DAB1: variants seen among roughly 807,000 people sequenced by gnomAD.
The protein encoded by DAB1 is disabled homolog 1.
Under a neutral mutation model 64.6 loss-of-function variants are expected in DAB1, and 15 were observed. That is an observed-to-expected ratio of 0.23 (90% CI 0.16 to 0.36). The LOEUF (loss-of-function observed/expected upper bound fraction) is 0.36, where lower values mean the gene tolerates loss of function less well. DAB1 is among the 10% of genes least tolerant of loss of function. DAB1 has a pLI of 1.00. For missense variants in DAB1, 596 were observed against 706.7 expected, an observed-to-expected ratio of 0.84 and a Z score of 1.78; for synonymous variants, 235 against 251.9, an observed-to-expected ratio of 0.93 and a Z score of 0.64.
At chr1:57,382,673 C>T (rs1294465421) in intron 1 of DAB1, among the ~76,000 whole-genome samples, 1 of 152,216 alleles carries the variant, frequency 6.6e-6, no homozygotes, top group Non-Finnish European at 1.5e-5. Context: ...ATGGTAAGTC[C>T]TTCTCACGCT....
At chr1:57,063,627 G>C (rs187011245) in intron 8 of DAB1, among the ~76,000 whole-genome samples, 3 of 152,252 alleles carry the variant, frequency 2.0e-5, no homozygotes, top group East Asian at 3.9e-4. Context: ...ACTGAGCTCT[G>C]AGCTTCACTA....
intron 7 of DAB1, among the ~76,000 whole-genome samples, chr1:57,512,238 T>C (rs1644414032): frequency 6.6e-6 from 1 of 152,218 alleles, no homozygotes; most frequent in Non-Finnish European, 1.5e-5. Context: ...CACCCAACTT[T>C]CTTGAGAGCA....
intron 2 of DAB1, among the ~76,000 whole-genome samples, chr1:57,169,519 T>C (rs1011016915): frequency 6.6e-6 from 1 of 152,210 alleles, no homozygotes; most frequent in Non-Finnish European, 1.5e-5. Context: ...AACAAGATAC[T>C]GTTGACAAAG....
At chr1:58,325,717 C>G (rs1252139147) in intron 4 of DAB1, among the ~76,000 whole-genome samples, 1 of 152,120 alleles carries the variant, frequency 6.6e-6, no homozygotes, top group Non-Finnish European at 1.5e-5. Context: ...TTAACATAAG[C>G]ACATGAAAAA....
intron 4 of DAB1, among the ~76,000 whole-genome samples, chr1:57,103,828 CG>C (rs2100699278): frequency 6.6e-6 from 1 of 152,176 alleles, no homozygotes; most frequent in East Asian, 1.9e-4. Flanking sequence ...AAGGACTAAG[CG>C]GGGAACCCAG....
intron 6 of DAB1, among the ~76,000 whole-genome samples, chr1:57,783,447 A>C (rs1924268): frequency 0.66 from 100,466 of 152,048 alleles, 35,258 homozygotes; most frequent in South Asian, 0.81. Flanking sequence ...AAATATGCAG[A>C]AGTCCACTTT....
intron 5 of DAB1, among the ~76,000 whole-genome samples, chr1:57,992,071 C>A (rs1419191080): frequency 2.0e-5 from 3 of 152,064 alleles, no homozygotes; most frequent in African/African-American, 7.2e-5. Flanking sequence ...AGTGGGAATT[C>A]CTTTTTTACC....
At chr1:57,302,956 C>T (rs538385837) in intron 1 of DAB1, among the ~76,000 whole-genome samples, 3 of 152,326 alleles carry the variant, frequency 2.0e-5, no homozygotes, top group African/African-American at 7.2e-5. Context: ...ATACATGCCA[C>T]ATCTAACTAC....
chr1:58,085,958 C>CTTTTTTTTT (rs911523306), intron 5 of DAB1, among the ~76,000 whole-genome samples: 8 of 98,702 alleles, frequency 8.1e-5, no homozygotes, highest in Non-Finnish European at 1.1e-4. Context: ...ATCTCTCTCT[C>CTTTTTTTTT]TTTTTTTTTT....
At chr1:58,251,659 C>T (rs547019405) in intron 4 of DAB1, among the ~76,000 whole-genome samples, 26 of 152,166 alleles carry the variant, frequency 1.7e-4, no homozygotes, top group Admixed American at 1.4e-3. Context: ...GAGTTGGTGA[C>T]ACGAGATGAG....
At chr1:57,878,588 C>G (rs1046831651) in intron 1 of DAB1, 1 of 152,038 alleles carries the variant, frequency 6.6e-6, no homozygotes, top group Non-Finnish European at 1.5e-5. Context: ...TTATGGGGTA[C>G]AGAGTGATAT....
intron 5 of DAB1, among the ~76,000 whole-genome samples, chr1:57,946,347 A>G (rs1246993170): frequency 2.6e-5 from 4 of 152,214 alleles, no homozygotes; most frequent in Admixed American, 6.5e-5. Flanking sequence ...TGTTGAATCT[A>G]ATAGCAAGTC....
chr1:58,052,384 G>A (rs142425519), intron 5 of DAB1, among the ~76,000 whole-genome samples: 232 of 152,190 alleles, frequency 1.5e-3, no homozygotes, highest in African/African-American at 5.2e-3. Flanking sequence ...TGAGTCCTCC[G>A]TTCTGTTCCA....
At chr1:57,200,168 C>T (rs1486277015) in intron 2 of DAB1, among the ~76,000 whole-genome samples, 1 of 152,212 alleles carries the variant, frequency 6.6e-6, no homozygotes, top group Non-Finnish European at 1.5e-5. Context: ...TCCTGTCTCT[C>T]CCTTACCATC....
At chr1:57,686,222 A>T (rs990271144) in intron 6 of DAB1, among the ~76,000 whole-genome samples, 6 of 152,214 alleles carry the variant, frequency 3.9e-5, no homozygotes, top group African/African-American at 1.4e-4. Flanking sequence ...TGACATTACA[A>T]CCAATCCCAC....
At chr1:57,562,978 T>A (rs193283710) in intron 7 of DAB1, among the ~76,000 whole-genome samples, 1 of 152,162 alleles carries the variant, frequency 6.6e-6, no homozygotes, top group Admixed American at 6.5e-5. Context: ...TAGGAGGCCA[T>A]TAGGGCGTCT....
chr1:57,259,753 CA>C (rs1208194831), intron 2 of DAB1, among the ~76,000 whole-genome samples: 1 of 152,182 alleles, frequency 6.6e-6, no homozygotes, highest in South Asian at 2.1e-4. Context: ...TTCCCTCTGC[CA>C]ATTGCTGCCA....
At chr1:58,128,018 G>C (rs529345517) in intron 5 of DAB1, among the ~76,000 whole-genome samples, 174 of 151,790 alleles carry the variant, frequency 1.1e-3, no homozygotes, top group African/African-American at 4.1e-3. Flanking sequence ...AGCTTGATGG[G>C]GATGGCATTG....
At chr1:58,300,909 A>G (rs542249407) in intron 4 of DAB1, among the ~76,000 whole-genome samples, 4 of 152,116 alleles carry the variant, frequency 2.6e-5, no homozygotes, top group South Asian at 2.1e-4. Flanking sequence ...GTGTGGACCT[A>G]TGTTAGTGAA....
Sources: allele counts gnomAD v4.1 joint callset (sites outside exome capture counted in the v4.1 genomes callset), GRCh38; gene constraint gnomAD v4.1.1; transcripts MANE v1.5; gene names NCBI Gene and HGNC (gene_info 2026-07-23, HGNC 2026-07-21).